Variants in DTNBP1 observed in about 807,000 individuals in gnomAD.
DTNBP1 encodes dystrobrevin binding protein 1, also known as dysbindin.
Under a neutral mutation model 42.8 loss-of-function variants are expected in DTNBP1, and 35 were observed. The ratio of observed to expected loss-of-function variants is 0.82; its 90% CI spans 0.63 to 1.09. DTNBP1 has a LOEUF of 1.09. Among genes scored for constraint, DTNBP1 ranks in the 50% least tolerant of loss-of-function variants. The probability of loss-of-function intolerance (pLI) is 0.00; values close to 1 mark genes in which losing one functional copy is unlikely to be tolerated. For synonymous variants in DTNBP1, 171 were observed against 162.2 expected, an observed-to-expected ratio of 1.05 and a Z score of -0.41; for missense variants, 457 against 424.2, an observed-to-expected ratio of 1.08 and a Z score of -0.68.
intron 6 of DTNBP1, among the ~76,000 whole-genome samples, chr6:15,606,286 G>A (rs1190452047): frequency 6.6e-6 from 1 of 152,192 alleles, no homozygotes; most frequent in African/African-American, 2.4e-5. Context: ...TCTCTCTGCT[G>A]GGAACGTCCG....
chr6:15,627,795 AAAAAAAAC>A (rs1285520126), intron 4 of DTNBP1, among the ~76,000 whole-genome samples: 5 of 151,854 alleles, frequency 3.3e-5, no homozygotes, highest in Non-Finnish European at 7.4e-5. Context: ...ATCTAGAAAA[AAAAAAAAC>A]AAAAACAAAA....
At chr6:15,617,607 G>A (rs973799557) in intron 5 of DTNBP1, among the ~76,000 whole-genome samples, 6 of 151,848 alleles carry the variant, frequency 4.0e-5, no homozygotes, top group East Asian at 1.9e-4. Context: ...CAAAGGCACC[G>A]AGAACATTCA....
chr6:15,542,544 G>A (rs568856321), intron 7 of DTNBP1, among the ~76,000 whole-genome samples: 5 of 151,878 alleles, frequency 3.3e-5, no homozygotes, highest in African/African-American at 9.7e-5. Context: ...GCTAATTTTC[G>A]TATTTTTAGT....
At chr6:15,524,245 C>G in intron 9 of DTNBP1, 1 of 1,580,578 alleles carries the variant, frequency 6.3e-7, no homozygotes, top group Non-Finnish European at 8.6e-7. Flanking sequence ...AAATGGATTT[C>G]TGGGTGGTAA....
intron 6 of DTNBP1, among the ~76,000 whole-genome samples, chr6:15,609,434 C>G (rs1418412017): frequency 6.6e-6 from 1 of 152,114 alleles, no homozygotes; most frequent in Non-Finnish European, 1.5e-5. Flanking sequence ...ATTCTCCCAC[C>G]TCAGCCTCCT....
intron 8 of DTNBP1, among the ~76,000 whole-genome samples, chr6:15,527,964 T>C (rs1772527852): frequency 6.6e-6 from 1 of 152,188 alleles, no homozygotes; most frequent in African/African-American, 2.4e-5. Flanking sequence ...GAGTAGTCAC[T>C]GGTAACAGCA....
intron 7 of DTNBP1, among the ~76,000 whole-genome samples, chr6:15,543,113 T>A (rs9476841): frequency 0.15 from 23,548 of 152,120 alleles, 2,708 homozygotes; most frequent in African/African-American, 0.32. Context: ...AGTCCCTATT[T>A]TAGGGGACTT....
intron 7 of DTNBP1, among the ~76,000 whole-genome samples, chr6:15,557,721 T>C (rs1381238379): frequency 6.6e-6 from 1 of 152,188 alleles, no homozygotes; most frequent in African/African-American, 2.4e-5. Context: ...AAGAGATTGT[T>C]TGGAAAGCTA....
intron 5 of DTNBP1, among the ~76,000 whole-genome samples, chr6:15,619,446 G>C (rs1250185432): frequency 6.6e-6 from 1 of 152,014 alleles, no homozygotes; most frequent in Non-Finnish European, 1.5e-5. Context: ...CATGATAAAG[G>C]ACTGTTATCC....
intron 5 of DTNBP1, 100 bp from the exon 6 acceptor site, chr6:15,615,499 T>G (rs928670569): frequency 6.7e-5 from 100 of 1,487,690 alleles, no homozygotes; most frequent in South Asian, 3.8e-4. Flanking sequence ...TTGTTGAGAT[T>G]GTTTTGCATT....
chr6:15,637,155 G>GA (rs1363757654), intron 4 of DTNBP1, among the ~76,000 whole-genome samples: 2 of 151,996 alleles, frequency 1.3e-5, no homozygotes, highest in African/African-American at 2.4e-5. Context: ...AATCATTTCA[G>GA]AAAAAAATAA....
At chr6:15,529,069 G>A (rs544128041) in intron 8 of DTNBP1, among the ~76,000 whole-genome samples, 25 of 152,330 alleles carry the variant, frequency 1.6e-4, no homozygotes, top group South Asian at 4.1e-4. Flanking sequence ...AGGATCACTC[G>A]GGCCAAGGAG....
chr6:15,528,257 T>C (rs1772553805), intron 8 of DTNBP1, among the ~76,000 whole-genome samples: 1 of 152,120 alleles, frequency 6.6e-6, no homozygotes, highest in African/African-American at 2.4e-5. Context: ...TAGAAAACAT[T>C]TTCTCAGCTC....
At chr6:15,658,235 G>A (rs910443953) in intron 1 of DTNBP1, among the ~76,000 whole-genome samples, 1 of 152,132 alleles carries the variant, frequency 6.6e-6, no homozygotes, top group Non-Finnish European at 1.5e-5. Flanking sequence ...GTCTGGCACT[G>A]GCACTTAATA....
chr6:15,541,932 T>G (rs1452446159), intron 7 of DTNBP1, among the ~76,000 whole-genome samples: 2 of 151,662 alleles, frequency 1.3e-5, no homozygotes, highest in Non-Finnish European at 2.9e-5. Context: ...CCTCTGGGAG[T>G]CATGTATAGA....
intron 7 of DTNBP1, among the ~76,000 whole-genome samples, chr6:15,577,797 G>A (rs1409016938): frequency 6.6e-6 from 1 of 152,110 alleles, no homozygotes; most frequent in East Asian, 1.9e-4. Flanking sequence ...AAGAATGCAG[G>A]AGAGAAAAGG....
At chr6:15,613,195 G>C (rs575800392) in intron 6 of DTNBP1, among the ~76,000 whole-genome samples, 31 of 151,664 alleles carry the variant, frequency 2.0e-4, no homozygotes, top group African/African-American at 6.8e-4. Flanking sequence ...TGTAATCCCA[G>C]CTACTCGGGA....
chr6:15,601,092 A>G (rs927352675), intron 6 of DTNBP1, among the ~76,000 whole-genome samples: 3 of 152,234 alleles, frequency 2.0e-5, no homozygotes, highest in African/African-American at 7.2e-5. Flanking sequence ...GAGGCAGAGA[A>G]GAACATCTGG....
chr6:15,551,358 C>A (rs1278677900), intron 7 of DTNBP1, among the ~76,000 whole-genome samples: 2 of 152,180 alleles, frequency 1.3e-5, no homozygotes, highest in African/African-American at 4.8e-5. Context: ...CTACTGGCTA[C>A]AACAACCTTA....
Sources: allele counts gnomAD v4.1 joint callset (sites outside exome capture counted in the v4.1 genomes callset), GRCh38; gene constraint gnomAD v4.1.1; transcripts MANE v1.5; gene names NCBI Gene and HGNC (gene_info 2026-07-23, HGNC 2026-07-21).